PTPRT: variants seen among roughly 807,000 people sequenced by gnomAD.
The protein encoded by PTPRT is receptor-type tyrosine-protein phosphatase T.
Under a neutral mutation model 176.8 loss-of-function variants are expected in PTPRT, and 56 were observed. The ratio of observed to expected loss-of-function variants is 0.32; its 90% CI spans 0.26 to 0.40. The LOEUF (loss-of-function observed/expected upper bound fraction) is 0.40. PTPRT is among the 10% of genes least tolerant of loss of function. PTPRT has a pLI of 1.00. For synonymous variants in PTPRT, 783 were observed against 739.0 expected (o/e 1.06, Z -0.96); for missense variants, 1,540 against 1,908.2 (o/e 0.81, Z 3.60).
Position 42,603,468 on chromosome 20 carries a change from G to A in PTPRT, c.1153+74398C>T, listed in dbSNP as rs552793129. On this transcript the variant is annotated intron_variant, in intron 7 of 30. Transcript: ENST00000373187. ...CTAGGAAACCAAATAAGGCCAGTAC[G>A]GCTGGAGCATAGTGCATGGCCAGGA... Among the ~76,000 whole-genome samples, 7 of 152,306 alleles carry A rather than the reference G, an allele frequency of 4.6e-5. No homozygotes were observed. In the South Asian group the frequency reaches 8.3e-4, roughly 18 times the overall value.
At chr20:42,776,448 G>C (rs2077136772) in intron 4 of PTPRT, among the ~76,000 whole-genome samples, 1 of 152,108 alleles carries the variant, frequency 6.6e-6, no homozygotes, top group Admixed American at 6.6e-5. Flanking sequence ...AATGCACCGG[G>C]AGACACCAAA....
At position 42,635,866 on chromosome 20, in the gene PTPRT, T is replaced by C. The variant is rs191499385; in HGVS notation, c.1153+42000A>G. ...TCTGTAAACTGCCAGCTTGATATCGTCACCAAGAATTCTGCAAGCTGAGTG... is the reference window on the plus strand; with the variant it reads ...TCTGTAAACTGCCAGCTTGATATCGCCACCAAGAATTCTGCAAGCTGAGTG... On this transcript the variant is annotated intron_variant, in intron 7 of 30. Transcript: ENST00000373187. Among the ~76,000 whole-genome samples, 18 of 152,258 alleles carry C rather than the reference T, an allele frequency of 1.2e-4. No homozygotes were observed. The East Asian group carries it at 2.5e-3, about 21-fold the overall frequency.
At chr20:42,858,205 A>G (rs749647050) in intron 2 of PTPRT, among the ~76,000 whole-genome samples, 1 of 152,222 alleles carries the variant, frequency 6.6e-6, no homozygotes, top group Non-Finnish European at 1.5e-5. Context: ...AATTACTCTG[A>G]CACTTGTTAA....
chr20:42,884,520 T>C (rs1600517540), intron 2 of PTPRT, among the ~76,000 whole-genome samples: 1 of 152,094 alleles, frequency 6.6e-6, no homozygotes, highest in East Asian at 1.9e-4. Context: ...GGGCAGTGGG[T>C]TGTGTAGGTG....
intron 16 of PTPRT, among the ~76,000 whole-genome samples, chr20:42,191,901 A>G (rs1991017521): frequency 1.3e-5 from 2 of 152,154 alleles, no homozygotes; most frequent in Non-Finnish European, 2.9e-5. Context: ...TCATTCATAT[A>G]TTCAAACAAG....
intron 15 of PTPRT, among the ~76,000 whole-genome samples, chr20:42,232,245 G>A (rs1339234294): frequency 6.6e-6 from 1 of 152,182 alleles, no homozygotes; most frequent in African/African-American, 2.4e-5. Context: ...ACACTTCAAT[G>A]AAATCAGTGT....
intron 7 of PTPRT, among the ~76,000 whole-genome samples, chr20:42,501,310 G>A (rs574963877): frequency 2.0e-5 from 3 of 152,160 alleles, no homozygotes; most frequent in South Asian, 2.1e-4. Context: ...GTATAAAAGC[G>A]CATTACATGA....
intron 7 of PTPRT, among the ~76,000 whole-genome samples, chr20:42,677,412 A>G (rs1238277976): frequency 6.6e-6 from 1 of 152,126 alleles, no homozygotes; most frequent in African/African-American, 2.4e-5. Flanking sequence ...AACCAGAGCC[A>G]GGAGCCCTCA....
chr20:42,593,050 T>G (rs2073607662), intron 7 of PTPRT, among the ~76,000 whole-genome samples: 1 of 152,186 alleles, frequency 6.6e-6, no homozygotes, highest in Non-Finnish European at 1.5e-5. Flanking sequence ...CTGGGGAATC[T>G]TCCGACTAAG....
At chr20:43,089,263 G>A (rs1011678318) in intron 1 of PTPRT, among the ~76,000 whole-genome samples, 15 of 152,118 alleles carry the variant, frequency 9.9e-5, no homozygotes, top group South Asian at 4.1e-4. Context: ...ACTCTTCATC[G>A]TTATATTTAA....
chr20:42,742,707 G>A (rs1464631264), intron 6 of PTPRT, among the ~76,000 whole-genome samples: 3 of 152,156 alleles, frequency 2.0e-5, no homozygotes, highest in Non-Finnish European at 2.9e-5. Context: ...ATTGTCACAC[G>A]AGTCTTTGAA....
At chr20:42,346,485 T>C (rs1204050669) in intron 11 of PTPRT, among the ~76,000 whole-genome samples, 1 of 152,132 alleles carries the variant, frequency 6.6e-6, no homozygotes, top group African/African-American at 2.4e-5. Flanking sequence ...TTCTGTCACT[T>C]AAAAACCAAT....
chr20:42,954,953 G>C (rs546567053), intron 1 of PTPRT, among the ~76,000 whole-genome samples: 2 of 151,780 alleles, frequency 1.3e-5, no homozygotes, highest in African/African-American at 4.8e-5. Context: ...AGGGAGAGGA[G>C]AAGGTTAAGG....
At chr20:43,078,596 AG>A (rs1443148064) in intron 1 of PTPRT, among the ~76,000 whole-genome samples, 1 of 152,206 alleles carries the variant, frequency 6.6e-6, no homozygotes, top group African/African-American at 2.4e-5. Flanking sequence ...GGTGGCACGG[AG>A]GGCTGGGAAA....
At chr20:43,176,245 C>T (rs2015119564) in intron 1 of PTPRT, among the ~76,000 whole-genome samples, 1 of 144,592 alleles carries the variant, frequency 6.9e-6, no homozygotes, top group South Asian at 2.4e-4. Context: ...AGACCCTGGG[C>T]TCTGACTGTG....
At chr20:42,623,201 C>A (rs932505731) in intron 7 of PTPRT, among the ~76,000 whole-genome samples, 1 of 152,216 alleles carries the variant, frequency 6.6e-6, no homozygotes, top group African/African-American at 2.4e-5. Context: ...GCCAAGAGGG[C>A]ACTGAGCTGG....
intron 1 of PTPRT, among the ~76,000 whole-genome samples, chr20:43,187,794 C>A (rs543672749): frequency 9.9e-5 from 15 of 152,204 alleles, no homozygotes; most frequent in Non-Finnish European, 4.4e-5. Context: ...GGTGCTCGCT[C>A]CTCACACTTC....
intron 1 of PTPRT, among the ~76,000 whole-genome samples, chr20:43,134,319 C>T (rs2013752377): frequency 6.6e-6 from 1 of 152,214 alleles, no homozygotes; most frequent in Admixed American, 6.5e-5. Flanking sequence ...CTGTGTACTT[C>T]CTTGTAAAAT....
chr20:42,270,422 C>G, intron 13 of PTPRT: 1 of 1,413,526 alleles, frequency 7.1e-7, no homozygotes, highest in Non-Finnish European at 9.4e-7. Context: ...AGAGTGGAGT[C>G]CCCGGGGTCA....
Sources: allele counts gnomAD v4.1 joint callset (sites outside exome capture counted in the v4.1 genomes callset), GRCh38; gene constraint gnomAD v4.1.1; transcripts MANE v1.5; gene names NCBI Gene and HGNC (gene_info 2026-07-23, HGNC 2026-07-21).